The following DPP10 variants were observed in gnomAD, a reference collection of about 807,000 sequenced individuals.
DPP10 encodes the protein dipeptidyl peptidase like 10, also known as inactive dipeptidyl peptidase 10.
Under a neutral mutation model 120.9 loss-of-function variants are expected in DPP10, and 33 were observed. That is an observed-to-expected ratio of 0.27 (90% CI 0.21 to 0.37). DPP10 has a LOEUF of 0.37. Ranked by LOEUF, DPP10 falls within the 10% of genes least tolerant of loss-of-function variation. The pLI is 1.00. For synonymous variants in DPP10, 337 were observed against 326.1 expected, an observed-to-expected ratio of 1.03 and a Z score of -0.36; for missense variants, 816 against 942.8, an observed-to-expected ratio of 0.87 and a Z score of 1.76.
At chr2:115,528,988 G>C (rs940795063) in intron 5 of DPP10, among the ~76,000 whole-genome samples, 2 of 151,914 alleles carry the variant, frequency 1.3e-5, no homozygotes, top group African/African-American at 4.8e-5. Context: ...TTGTTTACTT[G>C]ACCAGGATTT....
intron 7 of DPP10, among the ~76,000 whole-genome samples, chr2:115,713,352 A>C (rs972152624): frequency 6.6e-6 from 1 of 152,126 alleles, no homozygotes; most frequent in Non-Finnish European, 1.5e-5. Flanking sequence ...GAGAATGTAG[A>C]GTTAAAGGTT....
At chr2:114,515,383 A>G (rs1684510537) in intron 1 of DPP10, among the ~76,000 whole-genome samples, 1 of 152,230 alleles carries the variant, frequency 6.6e-6, no homozygotes, top group Non-Finnish European at 1.5e-5. Flanking sequence ...TGATGCTCTA[A>G]TAAGTCCAGG....
intron 5 of DPP10, among the ~76,000 whole-genome samples, chr2:115,635,691 A>G (rs368803735): frequency 5.9e-5 from 9 of 152,178 alleles, no homozygotes; most frequent in Non-Finnish European, 1.0e-4. Flanking sequence ...TAGAAGCCCA[A>G]TGGGGAGGGA....
At chr2:114,967,824 G>A (rs1449401232) in intron 1 of DPP10, among the ~76,000 whole-genome samples, 6 of 151,170 alleles carry the variant, frequency 4.0e-5, no homozygotes, top group Non-Finnish European at 8.8e-5. Context: ...ATTATTCCCA[G>A]GGCATTTTCC....
chr2:115,275,059 G>C (rs569350531), intron 1 of DPP10, among the ~76,000 whole-genome samples: 1 of 152,286 alleles, frequency 6.6e-6, no homozygotes, highest in Middle Eastern at 3.4e-3. Context: ...ATTTAAACCA[G>C]CTTTAGGAGA....
chr2:115,086,819 A>C (rs1708745833), intron 1 of DPP10, among the ~76,000 whole-genome samples: 1 of 132,082 alleles, frequency 7.6e-6, no homozygotes, highest in Non-Finnish European at 1.6e-5. Flanking sequence ...ATATAAAACC[A>C]AGTTGTACCC....
chr2:115,322,450 A>G lies in DPP10; in HGVS notation c.175+13097A>G, dbSNP rs181433925. The stretch of plus-strand genomic sequence containing the variant: ...GGAGAAATAAAAAACAGAGAGGGTA[A>G]AATACCTTTTCAGGTTAGCTCTGTG... On this transcript the variant is annotated intron_variant, in intron 2 of 25. Coordinates refer to ENST00000410059, the MANE Select transcript of DPP10 (RefSeq NM_020868.6). Among the ~76,000 whole-genome samples, 41 of 152,212 alleles carry G rather than the reference A, an allele frequency of 2.7e-4. 1 individual carries two copies. The East Asian group carries it at 7.9e-3, about 29-fold the overall frequency.
chr2:115,828,381 T>C (rs997068583), intron 21 of DPP10, among the ~76,000 whole-genome samples: 3 of 152,148 alleles, frequency 2.0e-5, no homozygotes, highest in African/African-American at 7.2e-5. Flanking sequence ...CGCTTCAGTT[T>C]ATTGAATTTC....
At chr2:115,489,792 A>G (rs1035201461) in intron 3 of DPP10, among the ~76,000 whole-genome samples, 2 of 152,070 alleles carry the variant, frequency 1.3e-5, no homozygotes, top group African/African-American at 4.8e-5. Context: ...GACAATCTCT[A>G]TTAATGTAAC....
At chr2:114,478,221 G>A (rs72949887) in intron 1 of DPP10, among the ~76,000 whole-genome samples, 14,940 of 152,016 alleles carry the variant, frequency 0.098, 2,440 homozygotes, top group African/African-American at 0.34. Flanking sequence ...ATTATACAGT[G>A]TGATCAAGTG....
Position 115,518,504 on chromosome 2 carries a change from G to GT in DPP10, c.367-7387dup, listed in dbSNP as rs906572863. ...AGAAAATTCAGCCATGGTAAAAAAA[G>GT]TTTTTTTACTTAATATTGGACATTA... On this transcript the variant is annotated intron_variant, in intron 4 of 25. Transcript: ENST00000410059. Among the ~76,000 whole-genome samples, 72 of 152,008 alleles carry GT rather than the reference G, an allele frequency of 4.7e-4. 2 individuals carry two copies. Among genetic ancestry groups the GT allele is most frequent in the Admixed American group, 4.6e-3 (70 of 15,270 alleles).
At chr2:115,316,033 A>G (rs1377378425) in intron 2 of DPP10, among the ~76,000 whole-genome samples, 5 of 152,146 alleles carry the variant, frequency 3.3e-5, no homozygotes, top group African/African-American at 4.8e-5. Context: ...CAGATAAATG[A>G]TGAATTTGGT....
chr2:115,420,823 A>C (rs748840334), intron 3 of DPP10, among the ~76,000 whole-genome samples: 8 of 152,214 alleles, frequency 5.3e-5, no homozygotes, highest in Non-Finnish European at 7.3e-5. Flanking sequence ...CCAGAGTAGA[A>C]GATGGGGGAA....
At chr2:115,183,187 C>T (rs12711821) in intron 1 of DPP10, among the ~76,000 whole-genome samples, 54,174 of 151,862 alleles carry the variant, frequency 0.36, 11,179 homozygotes, top group Non-Finnish European at 0.46. Context: ...TTACCTACTG[C>T]TGTAATGTGA....
chr2:115,371,656 T>C (rs1052013404), intron 3 of DPP10, among the ~76,000 whole-genome samples: 1 of 152,114 alleles, frequency 6.6e-6, no homozygotes, highest in African/African-American at 2.4e-5. Flanking sequence ...CCCAAACTTA[T>C]TAAGAATGCT....
chr2:114,508,453 T>C (rs76319476), intron 1 of DPP10, among the ~76,000 whole-genome samples: 1,582 of 152,352 alleles, frequency 0.01, 29 homozygotes, highest in African/African-American at 0.036. Context: ...CTAGTAATGT[T>C]TCATGGTATG....
intron 1 of DPP10, among the ~76,000 whole-genome samples, chr2:114,622,053 G>A (rs1694130164): frequency 6.6e-6 from 1 of 151,828 alleles, no homozygotes; most frequent in Non-Finnish European, 1.5e-5. Flanking sequence ...GTAATGAAGT[G>A]GTAAGTTGAG....
chr2:115,482,076 G>A (rs1047459429), intron 3 of DPP10, among the ~76,000 whole-genome samples: 1 of 151,892 alleles, frequency 6.6e-6, no homozygotes, highest in Non-Finnish European at 1.5e-5. Flanking sequence ...AGTAGTTTCG[G>A]TTTTACAGCC....
chr2:114,722,225 AT>A (rs1701742763), intron 1 of DPP10, among the ~76,000 whole-genome samples: 1 of 152,212 alleles, frequency 6.6e-6, no homozygotes, highest in South Asian at 2.1e-4. Context: ...AAAAATGGTA[AT>A]TCTTATAAAT....
Sources: gnomAD v4.1 joint callset for allele counts (sites outside exome capture counted in the v4.1 genomes callset) on GRCh38, gnomAD v4.1.1 for gene constraint, MANE v1.5 for transcripts, NCBI Gene and HGNC (gene_info 2026-07-23, HGNC 2026-07-21) for gene names.